Variants in BMPR1B observed in about 807,000 individuals in gnomAD.
BMPR1B encodes the protein bone morphogenetic protein receptor type-1B.
A neutral mutation model predicts 59.1 loss-of-function variants in BMPR1B; 12 were observed. The ratio of observed to expected loss-of-function variants is 0.20; its 90% CI spans 0.13 to 0.33. The LOEUF (loss-of-function observed/expected upper bound fraction) is 0.33, where lower values mean the gene tolerates loss of function less well. Ranked by LOEUF, BMPR1B falls within the 10% of genes least tolerant of loss-of-function variation. The pLI, the probability that BMPR1B is intolerant of heterozygous loss-of-function variation, is 1.00. For missense variants in BMPR1B, 550 were observed against 610.9 expected, an observed-to-expected ratio of 0.90 and a Z score of 1.05; for synonymous variants, 237 against 207.3, an observed-to-expected ratio of 1.14 and a Z score of -1.23.
At chr4:94,783,584 A>G (rs1403103806) in intron 1 of BMPR1B, among the ~76,000 whole-genome samples, 1 of 152,184 alleles carries the variant, frequency 6.6e-6, no homozygotes, top group African/African-American at 2.4e-5. Flanking sequence ...TGGAGGGTGT[A>G]GTAGCCTGTT....
chr4:94,795,757 C>G (rs1407654103), intron 1 of BMPR1B, among the ~76,000 whole-genome samples: 1 of 152,074 alleles, frequency 6.6e-6, no homozygotes, highest in Non-Finnish European at 1.5e-5. Flanking sequence ...AGCCACCTGT[C>G]CACCCTGGAT....
At chr4:94,970,296 C>CCT (rs1489856235) in intron 2 of BMPR1B, among the ~76,000 whole-genome samples, 2 of 83,868 alleles carry the variant, frequency 2.4e-5, no homozygotes, top group Admixed American at 1.2e-4. Flanking sequence ...CTTCTCTTCT[C>CCT]TTCTCTTCTT....
In BMPR1B at chr4:95,103,535, C is replaced by G. The variant is rs1471252230; in HGVS notation, c.-17-873C>G. 3 of 958,186 alleles carry G rather than the reference C, an allele frequency of 3.1e-6. No homozygotes were observed. The African/African-American group carries it at 5.3e-5, about 17-fold the overall frequency. The allele number at this position is 958,186 out of a possible 1,614,324, so 59.4% of individuals were successfully genotyped here. On this transcript the variant is annotated intron_variant, in intron 3 of 12. Coordinates refer to ENST00000515059, the MANE Select transcript of BMPR1B (RefSeq NM_001203.3). ...CAAAATAGGTAATAATTAATGCATGCCCTCTTCTGTGTAACATAAACATTC... is the reference window on the plus strand; with the variant it reads ...CAAAATAGGTAATAATTAATGCATGGCCTCTTCTGTGTAACATAAACATTC...
At chr4:95,136,500 T>G (rs766580582) in intron 10 of BMPR1B, among the ~76,000 whole-genome samples, 4 of 152,196 alleles carry the variant, frequency 2.6e-5, no homozygotes, top group Non-Finnish European at 5.9e-5. Context: ...AGCTCCTCTT[T>G]GTACCTCTGG....
intron 3 of BMPR1B, among the ~76,000 whole-genome samples, chr4:95,010,429 CTCTAACAGCTTCATCA>C (rs1030280345): frequency 3.9e-5 from 6 of 152,170 alleles, no homozygotes; most frequent in Admixed American, 1.3e-4. Context: ...AACCATATCT[CTCTAACAGCTTCATCA>C]TCTAGAGCCT....
chr4:95,045,811 T>TA (rs1726011303), intron 3 of BMPR1B, among the ~76,000 whole-genome samples: 1 of 152,224 alleles, frequency 6.6e-6, no homozygotes, highest in Non-Finnish European at 1.5e-5. Flanking sequence ...CTGTCTCTTT[T>TA]TAATGTTCTC....
At chr4:94,841,227 C>T (rs1216260123) in intron 1 of BMPR1B, among the ~76,000 whole-genome samples, 1 of 149,180 alleles carries the variant, frequency 6.7e-6, no homozygotes, top group East Asian at 1.9e-4. Context: ...TTTGTCTGTG[C>T]CCTGCCCCCA....
At chr4:95,078,565 T>C (rs1412662348) in intron 3 of BMPR1B, among the ~76,000 whole-genome samples, 1 of 152,188 alleles carries the variant, frequency 6.6e-6, no homozygotes, top group African/African-American at 2.4e-5. Context: ...GAGAAACTAA[T>C]GAATTTAGTC....
In BMPR1B at chr4:95,120,218, C is replaced by T. The variant is rs571782592; in HGVS notation, c.350-3592C>T. Among the ~76,000 whole-genome samples the T allele has an allele frequency of 3.5e-4, 54 of 152,254 alleles. No homozygotes were observed. In the South Asian group the frequency reaches 8.9e-3, roughly 25 times the overall value. On this transcript the variant is annotated intron_variant, in intron 6 of 12. Coordinates refer to ENST00000515059, the MANE Select transcript of BMPR1B (RefSeq NM_001203.3). ...GTTATTTTATTGTCTTTTATGGCTG[C>T]GTAGTATTCCATGGTGTATATGTAC...
Position 95,148,850 on chromosome 4 carries a change from G to A in BMPR1B, c.1179G>A (p.Gln393=). Residue 393 remains glutamine, a synonymous_variant, in exon 11 of 13, where the codon CAG becomes CAA. Transcript: ENST00000515059. The part of the protein sequence containing the change: ...LDESLNRNHF[Q]SYIMADMYSF... ...AGAGCTTGAACAGAAATCACTTCCA[G>A]TCTTACATCATGGCTGACATGTATA... The A allele has an allele frequency of 6.2e-7, 1 of 1,614,052 alleles. No homozygotes were observed. Among genetic ancestry groups the A allele is most frequent in the South Asian group, 1.1e-5 (1 of 91,086 alleles).
intron 2 of BMPR1B, among the ~76,000 whole-genome samples, chr4:94,984,925 A>G (rs1421260876): frequency 2.0e-5 from 3 of 152,316 alleles, no homozygotes; most frequent in East Asian, 3.9e-4. Context: ...TTGAATCTGC[A>G]TTCTCACATA....
chr4:94,929,256 A>G (rs544426081), intron 2 of BMPR1B, among the ~76,000 whole-genome samples: 1 of 152,160 alleles, frequency 6.6e-6, no homozygotes, highest in East Asian at 1.9e-4. Flanking sequence ...TGTCTTAAAA[A>G]CTTGGGCAGT....
intron 10 of BMPR1B, among the ~76,000 whole-genome samples, chr4:95,140,813 G>T (rs1347272552): frequency 2.0e-5 from 3 of 152,186 alleles, no homozygotes; most frequent in Non-Finnish European, 4.4e-5. Flanking sequence ...AAGTAACTGA[G>T]ACTCATCTCC....
At chr4:94,962,531 A>G (rs1402519700) in intron 2 of BMPR1B, among the ~76,000 whole-genome samples, 4 of 152,202 alleles carry the variant, frequency 2.6e-5, no homozygotes, top group African/African-American at 9.6e-5. Context: ...CTGTAACTCC[A>G]TGAGATCAGT....
chr4:95,027,709 T>G (rs1269016243), intron 3 of BMPR1B, among the ~76,000 whole-genome samples: 1 of 152,214 alleles, frequency 6.6e-6, no homozygotes, highest in Non-Finnish European at 1.5e-5. Flanking sequence ...TTACTTTTAG[T>G]GTTGTACTTT....
At chr4:95,061,160 AACACACACACACACACACACACACACAC>A (rs58119571) in intron 3 of BMPR1B, among the ~76,000 whole-genome samples, 1 of 142,570 alleles carries the variant, frequency 7.0e-6, no homozygotes, top group Admixed American at 7.2e-5. Flanking sequence ...ATTTAGAATA[AACACACACACACACACACACACACACAC>A]ACACACACAC....
At chr4:94,930,249 CAT>C (rs1212969824) in intron 2 of BMPR1B, among the ~76,000 whole-genome samples, 1 of 152,120 alleles carries the variant, frequency 6.6e-6, no homozygotes, top group Admixed American at 6.6e-5. Flanking sequence ...TTCAGTATAA[CAT>C]ATGAGACCCT....
intron 3 of BMPR1B, among the ~76,000 whole-genome samples, chr4:95,002,209 C>T (rs1315275940): frequency 6.6e-6 from 1 of 152,154 alleles, no homozygotes; most frequent in East Asian, 1.9e-4. Flanking sequence ...TGTTTAGCTG[C>T]TACTTAATAA....
At chr4:95,031,367 G>A (rs1724841796) in intron 3 of BMPR1B, among the ~76,000 whole-genome samples, 1 of 152,122 alleles carries the variant, frequency 6.6e-6, no homozygotes, top group Non-Finnish European at 1.5e-5. Flanking sequence ...GTACATGTGA[G>A]GTGGAACTTG....
Sources: gnomAD v4.1 joint callset for allele counts (sites outside exome capture counted in the v4.1 genomes callset) on GRCh38, gnomAD v4.1.1 for gene constraint, MANE v1.5 for transcripts, NCBI Gene and HGNC (gene_info 2026-07-23, HGNC 2026-07-21) for gene names.